ST7: variants seen among roughly 807,000 people sequenced by gnomAD.
ST7 encodes the protein suppression of tumorigenicity 7.
A neutral mutation model predicts 78.7 loss-of-function variants in ST7; 28 were observed. That is an observed-to-expected ratio of 0.36 (90% CI 0.26 to 0.49). ST7 has a LOEUF of 0.49. ST7 is among the 20% of genes least tolerant of loss of function. ST7 has a pLI of 0.99. For missense variants in ST7, 418 were observed against 696.0 expected (o/e 0.60, Z 4.49); for synonymous variants, 247 against 249.6 (o/e 0.99, Z 0.10).
At chr7:117,033,645 A>G (rs1796724988) in intron 1 of ST7, among the ~76,000 whole-genome samples, 1 of 152,142 alleles carries the variant, frequency 6.6e-6, no homozygotes, top group South Asian at 2.1e-4. Context: ...TCTGGTCTCG[A>G]ACCTTTGACC....
chr7:117,067,377 G>A (rs1798695894), intron 1 of ST7, among the ~76,000 whole-genome samples: 1 of 152,100 alleles, frequency 6.6e-6, no homozygotes, highest in African/African-American at 2.4e-5. Flanking sequence ...ATTTAAAGTA[G>A]TAAAAGCAGA....
intron 2 of ST7, among the ~76,000 whole-genome samples, chr7:117,104,036 C>G (rs542081866): frequency 1.3e-5 from 2 of 152,138 alleles, no homozygotes; most frequent in Non-Finnish European, 1.5e-5. Context: ...AAAACCACAA[C>G]GAGCTATCAT....
intron 1 of ST7, chr7:116,968,404 T>A: frequency 2.2e-6 from 1 of 452,002 alleles, no homozygotes; most frequent in Non-Finnish European, 4.5e-6. Context: ...GACAGTGTCT[T>A]ACTATGTTGA....
At chr7:117,184,972 G>C (rs964807759) in intron 10 of ST7, among the ~76,000 whole-genome samples, 10 of 152,100 alleles carry the variant, frequency 6.6e-5, no homozygotes, top group Admixed American at 3.3e-4. Flanking sequence ...ATTATAATAG[G>C]CAAAAATAAC....
chr7:116,954,300 G>A (rs969753971), intron 1 of ST7: 5 of 152,204 alleles, frequency 3.3e-5, no homozygotes, highest in African/African-American at 1.2e-4. Flanking sequence ...TGGGTAGTGG[G>A]GAGAGGGGTT....
chr7:117,097,908 A>ATATATATATGT, intron 1 of ST7, among the ~76,000 whole-genome samples: 1 of 30,020 alleles, frequency 3.3e-5, no homozygotes. Flanking sequence ...ATATATATAT[A>ATATATATATGT]TTTTTTTTTT....
chr7:116,959,752 T>C (rs1475750525), intron 1 of ST7: 1 of 152,224 alleles, frequency 6.6e-6, no homozygotes, highest in African/African-American at 2.4e-5. Context: ...CCAGACATCT[T>C]AGTTGCCCTT....
intron 15 of ST7, among the ~76,000 whole-genome samples, chr7:117,224,883 T>G (rs1425733757): frequency 2.0e-5 from 3 of 152,160 alleles, no homozygotes; most frequent in Non-Finnish European, 4.4e-5. Flanking sequence ...GCTGTTCAGG[T>G]GGAAGCTTTT....
At chr7:116,997,328 C>A (rs562738294) in intron 1 of ST7, among the ~76,000 whole-genome samples, 13 of 152,308 alleles carry the variant, frequency 8.5e-5, no homozygotes, top group African/African-American at 2.4e-4. Context: ...TCTGACCCCA[C>A]CCACATCCTG....
At chr7:117,142,918 G>A (rs1348280515) in intron 9 of ST7, among the ~76,000 whole-genome samples, 2 of 152,016 alleles carry the variant, frequency 1.3e-5, no homozygotes, top group Non-Finnish European at 2.9e-5. Flanking sequence ...CCCAGACATC[G>A]GGTTTTATCC....
At chr7:117,060,836 T>G (rs1274632393) in intron 1 of ST7, among the ~76,000 whole-genome samples, 1 of 152,060 alleles carries the variant, frequency 6.6e-6, no homozygotes, top group Non-Finnish European at 1.5e-5. Context: ...TGAAACTTGG[T>G]CTCTACTAAA....
chr7:117,172,672 G>A (rs149720018), intron 10 of ST7, among the ~76,000 whole-genome samples: 5 of 152,262 alleles, frequency 3.3e-5, no homozygotes, highest in African/African-American at 7.2e-5. Context: ...AAAAATCCTC[G>A]TATGTTGACA....
chr7:117,058,140 G>T (rs961933746), intron 1 of ST7, among the ~76,000 whole-genome samples: 7 of 152,190 alleles, frequency 4.6e-5, no homozygotes, highest in Non-Finnish European at 1.0e-4. Context: ...CTGTGTGAAT[G>T]AGTAGTTGGA....
At chr7:117,097,327 C>CTTT (rs762770944) in intron 1 of ST7, among the ~76,000 whole-genome samples, 1 of 136,970 alleles carries the variant, frequency 7.3e-6, no homozygotes, top group African/African-American at 2.7e-5. Flanking sequence ...ATTCTGCTGG[C>CTTT]TTTTTTTTTT....
chr7:116,996,728 C>T (rs574415223), intron 1 of ST7, among the ~76,000 whole-genome samples: 3 of 152,222 alleles, frequency 2.0e-5, no homozygotes, highest in African/African-American at 2.4e-5. Context: ...TGAATAACTC[C>T]CTTTTGCCAA....
At chr7:117,143,430 G>A (rs184254050) in intron 9 of ST7, among the ~76,000 whole-genome samples, 7 of 152,182 alleles carry the variant, frequency 4.6e-5, no homozygotes, top group African/African-American at 1.4e-4. Context: ...ATCTCTTTGC[G>A]GGATTTTCCT....
intron 1 of ST7, among the ~76,000 whole-genome samples, chr7:117,075,566 G>A (rs2116554896): frequency 6.6e-6 from 1 of 152,310 alleles, no homozygotes; most frequent in African/African-American, 2.4e-5. Context: ...GGAAAGATGT[G>A]TTTGTTTGCT....
intron 1 of ST7, among the ~76,000 whole-genome samples, chr7:116,970,509 C>T (rs1229895813): frequency 6.6e-6 from 1 of 152,146 alleles, no homozygotes; most frequent in Admixed American, 6.5e-5. Context: ...CTCCTTGTGT[C>T]CTCACATGGA....
intron 7 of ST7, among the ~76,000 whole-genome samples, chr7:117,135,801 G>GCC (rs1804743074): frequency 6.6e-6 from 1 of 152,054 alleles, no homozygotes; most frequent in African/African-American, 2.4e-5. Context: ...CATCAGGGAG[G>GCC]CAGAGTAAGA....
Sources: gnomAD v4.1 joint callset for allele counts (sites outside exome capture counted in the v4.1 genomes callset) on GRCh38, gnomAD v4.1.1 for gene constraint, MANE v1.5 for transcripts, NCBI Gene and HGNC (gene_info 2026-07-23, HGNC 2026-07-21) for gene names.